CACHD1: variants seen among roughly 807,000 people sequenced by gnomAD.
CACHD1 encodes the protein cache domain containing 1.
In CACHD1, 71 loss-of-function variants were observed where a neutral mutation model predicts 138.7. That is an observed-to-expected ratio of 0.51 (90% confidence interval 0.42 to 0.62). CACHD1 has a LOEUF of 0.62. CACHD1 is among the 20% of genes least tolerant of loss of function. The probability of loss-of-function intolerance (pLI) is 0.00; values close to 1 mark genes in which losing one functional copy is unlikely to be tolerated. For synonymous variants in CACHD1, 578 were observed against 591.5 expected (o/e 0.98, Z 0.33); for missense variants, 1,389 against 1,625.3 (o/e 0.85, Z 2.50).
intron 2 of CACHD1, among the ~76,000 whole-genome samples, chr1:64,561,083 T>A (rs10889489): frequency 0.049 from 7,388 of 152,200 alleles, 295 homozygotes; most frequent in South Asian, 0.2. Context: ...TGTTTTTTTT[T>A]AAATCTATTC....
intron 2 of CACHD1, among the ~76,000 whole-genome samples, chr1:64,578,970 A>G (rs978640834): frequency 5.3e-5 from 8 of 152,162 alleles, no homozygotes; most frequent in Non-Finnish European, 7.3e-5. Context: ...AATTTGTAGG[A>G]AATTTCTATA....
Position 64,679,819 on chromosome 1 carries a change from G to T in CACHD1, c.3406+63G>T. ...CAGGCTAGAAGGACAGTGGCGGGTTGTGTAAGCCTCTAAGGAACTGTCAGA... is the reference window on the plus strand; with the variant it reads ...CAGGCTAGAAGGACAGTGGCGGGTTTTGTAAGCCTCTAAGGAACTGTCAGA... On this transcript the variant is annotated intron_variant, in intron 24 of 26. Transcript: ENST00000651257. 1.0e-5 allele frequency: 16 copies of T among 1,569,398 alleles called. No homozygotes were observed. In the South Asian group the frequency reaches 1.7e-4, roughly 17 times the overall value.
At chr1:64,548,961 G>A (rs1173078652) in intron 1 of CACHD1, among the ~76,000 whole-genome samples, 2 of 152,150 alleles carry the variant, frequency 1.3e-5, no homozygotes, top group South Asian at 2.1e-4. Context: ...ATAGAGTTAG[G>A]AGCGCCAGAT....
At chr1:64,619,354 A>G (rs1372417926) in intron 4 of CACHD1, among the ~76,000 whole-genome samples, 1 of 152,226 alleles carries the variant, frequency 6.6e-6, no homozygotes, top group Non-Finnish European at 1.5e-5. Context: ...GGCTGAAGAA[A>G]AATAAGCCAA....
intron 1 of CACHD1, among the ~76,000 whole-genome samples, chr1:64,498,625 T>A (rs1427216535): frequency 6.6e-6 from 1 of 152,234 alleles, no homozygotes; most frequent in Non-Finnish European, 1.5e-5. Flanking sequence ...CATCTCTCAG[T>A]ATTTGAAATG....
At chr1:64,673,310 A>G in intron 18 of CACHD1, 38 bp from the exon 19 acceptor site, 2 of 1,612,156 alleles carry the variant, frequency 1.2e-6, no homozygotes, top group South Asian at 1.1e-5. Flanking sequence ...GCAGCTCACT[A>G]CATGGCATAT....
chr1:64,669,145 A>G (rs1649734900), intron 16 of CACHD1, among the ~76,000 whole-genome samples: 1 of 152,188 alleles, frequency 6.6e-6, no homozygotes, highest in Admixed American at 6.5e-5. Context: ...AGGGCTCAAT[A>G]AATGTTAAGC....
In CACHD1 at chr1:64,602,877, G is replaced by A; in HGVS notation, c.482G>A (p.Ser161Asn). The change falls in exon 4 of 27, where the codon AGC (serine) becomes AAC (asparagine). Residue 161 changes from serine to asparagine, a missense_variant. Coordinates refer to ENST00000651257, the MANE Select transcript of CACHD1 (RefSeq NM_020925.4). ...GATCGACTTTCTACTACTGTTAATA[G>A]CCGGGCCTTCAATCCAGGACGAGAC... is the stretch of plus-strand genomic sequence containing the variant. ...SCDRLSTTVNSRAFNPGRDLN... is the reference protein window; with the variant it reads ...SCDRLSTTVNNRAFNPGRDLN... The A allele has an allele frequency of 1.2e-6, 2 of 1,613,380 alleles. No homozygotes were observed. The highest frequency in any genetic ancestry group is 1.7e-6 in the Non-Finnish European group (2 of 1,179,596).
intron 3 of CACHD1, among the ~76,000 whole-genome samples, chr1:64,583,819 G>A (rs894100793): frequency 2.0e-4 from 31 of 151,928 alleles, no homozygotes; most frequent in African/African-American, 7.2e-4. Flanking sequence ...GTCAGATCTC[G>A]TGAAACTTAC....
In CACHD1 at chr1:64,662,939, A is replaced by G. The variant is rs75594053; in HGVS notation, c.1952-756A>G. ...TTAAATAGTACTACTAATATGAATA[A>G]TAGTTAATACTCATTTGCTTTACAA... On this transcript the variant is annotated intron_variant, in intron 13 of 26. Transcript: ENST00000651257. 4.5e-4 allele frequency among the ~76,000 whole-genome samples: 69 copies of G among 152,350 alleles called. No homozygotes were observed. In the East Asian group the frequency reaches 0.013, roughly 29 times the overall value.
In CACHD1 at chr1:64,663,734, C is replaced by A; in HGVS notation, c.1991C>A (p.Ser664Tyr). The change falls in exon 14 of 27, where the codon TCC (serine) becomes TAC (tyrosine). Residue 664 changes from serine (S) to tyrosine (Y), a missense_variant. Ser to Tyr is a moderately radical substitution (Grantham distance 144). This residue lies in a region of CACHD1 where 1,000 missense variants were observed against 1,114.7 expected (regional missense o/e 0.90). Transcript: ENST00000651257. Reference protein sequence around the residue: ...TIMLSAGSFSSPYEHLSQPET... With the variant: ...TIMLSAGSFSYPYEHLSQPET... The stretch of plus-strand genomic sequence containing the variant: ...ATGCTGTCTGCTGGCAGCTTTTCCT[C>A]CCCCTATGAGCACCTCAGCCAGCCA... The A allele has an allele frequency of 6.2e-7, 1 of 1,614,050 alleles. No homozygotes were observed. Among genetic ancestry groups the A allele is most frequent in the Non-Finnish European group, 8.5e-7 (1 of 1,179,994 alleles).
At chr1:64,569,639 TGAAG>T (rs1646911159) in intron 2 of CACHD1, among the ~76,000 whole-genome samples, 2 of 152,166 alleles carry the variant, frequency 1.3e-5, no homozygotes, top group South Asian at 4.1e-4. Context: ...GTGTTCCAGC[TGAAG>T]GAAACACACT....
intron 2 of CACHD1, among the ~76,000 whole-genome samples, chr1:64,554,558 T>C (rs1176552764): frequency 2.0e-5 from 3 of 152,162 alleles, no homozygotes; most frequent in African/African-American, 7.2e-5. Flanking sequence ...AAATGTGGGG[T>C]GTCTGAAATG....
At chr1:64,500,716 T>A (rs1471884153) in intron 1 of CACHD1, among the ~76,000 whole-genome samples, 1 of 31,998 alleles carries the variant, frequency 3.1e-5, no homozygotes, top group Non-Finnish European at 7.7e-5. Flanking sequence ...ACCTTGTCTC[T>A]TAAAAAAAAA....
chr1:64,650,116 A>G (rs534516383), intron 9 of CACHD1, among the ~76,000 whole-genome samples: 3 of 152,376 alleles, frequency 2.0e-5, no homozygotes, highest in Non-Finnish European at 4.4e-5. Flanking sequence ...TGTCAATATA[A>G]CAGGAGCTTA....
chr1:64,659,661 T>C (rs1044584034), intron 13 of CACHD1, among the ~76,000 whole-genome samples: 10 of 152,232 alleles, frequency 6.6e-5, no homozygotes, highest in Non-Finnish European at 1.3e-4. Flanking sequence ...ACCTCTGCTC[T>C]GCCATGTGCC....
chr1:64,632,133 C>T (rs17126798), intron 5 of CACHD1, among the ~76,000 whole-genome samples: 1 of 151,462 alleles, frequency 6.6e-6, no homozygotes, highest in African/African-American at 2.4e-5. Flanking sequence ...TTTAGCAAAA[C>T]AGGTACACTG....
At chr1:64,641,266 GAACA>G (rs34939619) in intron 7 of CACHD1, among the ~76,000 whole-genome samples, 149,372 of 152,230 alleles carry the variant, frequency 0.98, 73,371 homozygotes, top group East Asian at 1. Flanking sequence ...GCTGGGCTTT[GAACA>G]CAGTTACCTG....
intron 4 of CACHD1, among the ~76,000 whole-genome samples, chr1:64,611,156 A>G (rs2118103): frequency 0.28 from 42,539 of 152,022 alleles, 6,908 homozygotes; most frequent in African/African-American, 0.44. Context: ...GAGCCTGGCC[A>G]AAGAAACCAT....
Sources: gnomAD v4.1 joint callset for allele counts (sites outside exome capture counted in the v4.1 genomes callset) on GRCh38, gnomAD v4.1.1 for gene constraint, gnomAD v4.1.1 regional missense constraint, MANE v1.5 for transcripts, NCBI Gene and HGNC (gene_info 2026-07-23, HGNC 2026-07-21) for gene names.